Variants in ZNF385D observed in about 807,000 individuals in gnomAD.
The protein encoded by ZNF385D is zinc finger protein 659.
A neutral mutation model predicts 35.8 loss-of-function variants in ZNF385D; 15 were observed. The observed-to-expected ratio is 0.42, with a 90% CI of 0.28 to 0.64. ZNF385D has a LOEUF of 0.64. Among genes scored for constraint, ZNF385D ranks in the 30% least tolerant of loss-of-function variants. ZNF385D has a pLI of 0.23. For synonymous variants in ZNF385D, 212 were observed against 186.8 expected, an observed-to-expected ratio of 1.13 and a Z score of -1.10; for missense variants, 474 against 494.6, an observed-to-expected ratio of 0.96 and a Z score of 0.39.
chr3:21,775,024 A>G (rs1309850213), intron 3 of ZNF385D, among the ~76,000 whole-genome samples: 1 of 151,822 alleles, frequency 6.6e-6, no homozygotes, highest in Non-Finnish European at 1.5e-5. Flanking sequence ...CAACACATCA[A>G]TTTCATGGTA....
chr3:21,988,131 AG>A (rs1392099855), intron 3 of ZNF385D, among the ~76,000 whole-genome samples: 1 of 125,522 alleles, frequency 8.0e-6, no homozygotes, highest in Non-Finnish European at 1.7e-5. Flanking sequence ...CCCGTAGCTC[AG>A]AGTCATTTGA....
intron 2 of ZNF385D, among the ~76,000 whole-genome samples, chr3:22,299,779 C>T (rs192595550): frequency 6.6e-6 from 1 of 151,694 alleles, no homozygotes; most frequent in Non-Finnish European, 1.5e-5. Context: ...GACCTGTACA[C>T]TGAAAACTGT....
Position 21,413,690 on chromosome 3 carries a change from A to G in ZNF385D, c.*7524T>C, listed in dbSNP as rs1317778423. On this transcript the variant is annotated 3_prime_UTR_variant, in exon 8 of 8. Transcript: ENST00000281523. ...TGAATATTTTTCCTTTATTTTTTGC[A>G]GGGTCACAAGCATGTAGAGCAAACC... is the stretch of plus-strand genomic sequence containing the variant. 6.6e-6 allele frequency: 1 copy of G among 152,122 alleles called. No homozygotes were observed. The highest frequency in any genetic ancestry group is 2.4e-5 in the African/African-American group (1 of 41,430). The allele number at this position is 152,122 out of a possible 1,614,324, so 9.4% of individuals were successfully genotyped here.
chr3:21,994,806 A>G (rs531218123), intron 3 of ZNF385D, among the ~76,000 whole-genome samples: 1 of 152,336 alleles, frequency 6.6e-6, no homozygotes, highest in East Asian at 1.9e-4. Context: ...CAGCTGTAAT[A>G]TGCATCAATA....
intron 3 of ZNF385D, among the ~76,000 whole-genome samples, chr3:21,873,937 T>G (rs1279307530): frequency 1.3e-5 from 2 of 152,074 alleles, no homozygotes; most frequent in Non-Finnish European, 2.9e-5. Context: ...AATGCTATTA[T>G]AAAATCAACA....
intron 3 of ZNF385D, among the ~76,000 whole-genome samples, chr3:21,775,623 T>C (rs1476666981): frequency 6.6e-6 from 1 of 151,932 alleles, no homozygotes; most frequent in Non-Finnish European, 1.5e-5. Flanking sequence ...TCATGATGAT[T>C]TCGGTTATTT....
At chr3:21,498,289 C>G (rs1295109067) in intron 4 of ZNF385D, among the ~76,000 whole-genome samples, 1 of 152,036 alleles carries the variant, frequency 6.6e-6, no homozygotes, top group Non-Finnish European at 1.5e-5. Context: ...CTAGGAAATA[C>G]CATTCTGGAC....
chr3:22,110,378 G>A (rs1348905406), intron 3 of ZNF385D, among the ~76,000 whole-genome samples: 2 of 151,888 alleles, frequency 1.3e-5, no homozygotes, highest in Non-Finnish European at 2.9e-5. Context: ...GCAAAGACTT[G>A]GAACCAACCC....
intron 3 of ZNF385D, among the ~76,000 whole-genome samples, chr3:21,535,044 A>C (rs1198060276): frequency 6.6e-6 from 1 of 152,162 alleles, no homozygotes; most frequent in Admixed American, 6.5e-5. Context: ...AGAACACAGC[A>C]ACAGGAATAT....
intron 2 of ZNF385D, among the ~76,000 whole-genome samples, chr3:22,190,481 A>G (rs1159469938): frequency 6.6e-6 from 1 of 152,178 alleles, no homozygotes; most frequent in Non-Finnish European, 1.5e-5. Flanking sequence ...TTCCAAATAT[A>G]TGTGTCAAGG....
intron 3 of ZNF385D, among the ~76,000 whole-genome samples, chr3:21,836,170 G>C (rs950938669): frequency 3.3e-5 from 1 of 30,282 alleles, no homozygotes; most frequent in Admixed American, 2.2e-4. Context: ...TCATTGTTTA[G>C]TCTTCTGACT....
chr3:21,632,468 T>A (rs942032131), intron 2 of ZNF385D, among the ~76,000 whole-genome samples: 3 of 152,142 alleles, frequency 2.0e-5, no homozygotes, highest in African/African-American at 7.2e-5. Flanking sequence ...ATATATTAAA[T>A]TTTTACTTAC....
chr3:21,920,468 G>T (rs73131316), intron 3 of ZNF385D, among the ~76,000 whole-genome samples: 2,397 of 151,778 alleles, frequency 0.016, 64 homozygotes, highest in African/African-American at 0.053. Flanking sequence ...ATATTAGTAG[G>T]TTTTTTTTAG....
At chr3:22,019,353 T>C (rs1278088079) in intron 3 of ZNF385D, among the ~76,000 whole-genome samples, 1 of 151,952 alleles carries the variant, frequency 6.6e-6, no homozygotes, top group African/African-American at 2.4e-5. Flanking sequence ...AATTTCACTG[T>C]AATTCATTCA....
chr3:22,067,898 T>C (rs1700034330), intron 3 of ZNF385D, among the ~76,000 whole-genome samples: 1 of 151,926 alleles, frequency 6.6e-6, no homozygotes, highest in Non-Finnish European at 1.5e-5. Flanking sequence ...GGCACACCTG[T>C]AGCACTTGGG....
chr3:22,188,813 CT>C (rs1262744091), intron 2 of ZNF385D, among the ~76,000 whole-genome samples: 1 of 152,134 alleles, frequency 6.6e-6, no homozygotes, highest in Non-Finnish European at 1.5e-5. Flanking sequence ...GTATTAGGAA[CT>C]TTTTGCTTTT....
At chr3:21,719,358 C>T (rs1337502531) in intron 1 of ZNF385D, among the ~76,000 whole-genome samples, 1 of 152,220 alleles carries the variant, frequency 6.6e-6, no homozygotes, top group Non-Finnish European at 1.5e-5. Flanking sequence ...AGTCAAGGAA[C>T]TGACCGTGTT....
chr3:21,759,562 G>C (rs1351046841), intron 3 of ZNF385D, among the ~76,000 whole-genome samples: 1 of 152,068 alleles, frequency 6.6e-6, no homozygotes, highest in Non-Finnish European at 1.5e-5. Flanking sequence ...TGCCTCCAAA[G>C]ACATTTGGTG....
At chr3:22,150,621 A>C (rs1469012827) in intron 3 of ZNF385D, among the ~76,000 whole-genome samples, 2 of 152,156 alleles carry the variant, frequency 1.3e-5, no homozygotes, top group Non-Finnish European at 2.9e-5. Flanking sequence ...CTACTAACTC[A>C]ATTAGTCCAC....
Sources: gnomAD v4.1 joint callset for allele counts (sites outside exome capture counted in the v4.1 genomes callset) on GRCh38, gnomAD v4.1.1 for gene constraint, MANE v1.5 for transcripts, NCBI Gene and HGNC (gene_info 2026-07-23, HGNC 2026-07-21) for gene names.